The following NKAIN3 variants were observed in gnomAD, a reference collection of about 807,000 sequenced individuals.
The protein encoded by NKAIN3 is sodium/potassium-transporting ATPase subunit beta-1-interacting protein 3.
Under a neutral mutation model 30.2 loss-of-function variants are expected in NKAIN3, and 25 were observed. That is an observed-to-expected ratio of 0.83 (90% CI 0.60 to 1.16). NKAIN3 has a LOEUF of 1.16. NKAIN3 is among the 50% of genes most tolerant of loss of function. NKAIN3 has a pLI of 0.00. For missense variants in NKAIN3, 225 were observed against 254.1 expected, an observed-to-expected ratio of 0.89 and a Z score of 0.78; for synonymous variants, 91 against 89.6, an observed-to-expected ratio of 1.02 and a Z score of -0.09.
chr8:62,637,524 C>T (rs1812171463), intron 3 of NKAIN3, among the ~76,000 whole-genome samples: 2 of 152,274 alleles, frequency 1.3e-5, no homozygotes, highest in East Asian at 1.9e-4. Context: ...GGAATGTTCT[C>T]TTTATCTGTA....
At chr8:62,449,568 T>G (rs1805580888) in intron 1 of NKAIN3, among the ~76,000 whole-genome samples, 1 of 152,116 alleles carries the variant, frequency 6.6e-6, no homozygotes, top group Non-Finnish European at 1.5e-5. Context: ...AACTTTGAAA[T>G]GTACTTAAAG....
intron 4 of NKAIN3, among the ~76,000 whole-genome samples, chr8:62,898,360 G>T (rs1947484): frequency 6.6e-6 from 1 of 151,868 alleles, no homozygotes; most frequent in African/African-American, 2.4e-5. Context: ...AGGTATATTC[G>T]CACCAGGGAA....
intron 4 of NKAIN3, among the ~76,000 whole-genome samples, chr8:62,801,831 A>G (rs547143076): frequency 6.6e-6 from 1 of 152,252 alleles, no homozygotes; most frequent in Non-Finnish European, 1.5e-5. Flanking sequence ...GAGTTACAGG[A>G]GGAAATTCAA....
chr8:62,500,303 GT>G (rs1184598213), intron 1 of NKAIN3, among the ~76,000 whole-genome samples: 7 of 152,004 alleles, frequency 4.6e-5, no homozygotes, highest in African/African-American at 1.7e-4. Context: ...TCTTTTGGCA[GT>G]TGGAAGTTTT....
At chr8:62,726,764 A>G (rs538226594) in intron 3 of NKAIN3, among the ~76,000 whole-genome samples, 1 of 152,184 alleles carries the variant, frequency 6.6e-6, no homozygotes, top group African/African-American at 2.4e-5. Flanking sequence ...GGTGAATTCT[A>G]CTAGACATTT....
At chr8:62,942,663 G>A (rs1011139993) in intron 5 of NKAIN3, among the ~76,000 whole-genome samples, 3 of 152,062 alleles carry the variant, frequency 2.0e-5, no homozygotes, top group African/African-American at 4.8e-5. Context: ...AAGCAGCATG[G>A]TACTGATATA....
intron 3 of NKAIN3, among the ~76,000 whole-genome samples, chr8:62,634,889 G>A (rs73683349): frequency 0.043 from 6,514 of 152,176 alleles, 228 homozygotes; most frequent in African/African-American, 0.097. Context: ...GAGAAGCAGG[G>A]AAAGTAGAAA....
intron 1 of NKAIN3, among the ~76,000 whole-genome samples, chr8:62,530,427 C>G (rs934304452): frequency 2.6e-5 from 4 of 152,074 alleles, no homozygotes; most frequent in African/African-American, 9.7e-5. Context: ...TGAAATCACA[C>G]CCAGACACAG....
At chr8:62,420,379 T>A (rs1023751835) in intron 1 of NKAIN3, among the ~76,000 whole-genome samples, 13 of 152,154 alleles carry the variant, frequency 8.5e-5, no homozygotes, top group Non-Finnish European at 1.5e-4. Context: ...ACATAGTCAA[T>A]TAGTATTCCA....
intron 3 of NKAIN3, among the ~76,000 whole-genome samples, chr8:62,697,770 G>A (rs2130459871): frequency 6.6e-6 from 1 of 152,316 alleles, no homozygotes. Context: ...GATGAGCAAT[G>A]ATTACAAGTG....
chr8:62,411,080 CACAATAACA>C (rs1804222781), intron 1 of NKAIN3, among the ~76,000 whole-genome samples: 2 of 152,178 alleles, frequency 1.3e-5, no homozygotes, highest in Admixed American at 6.5e-5. Flanking sequence ...ATGTCAGAGA[CACAATAACA>C]ACAATAACAA....
chr8:62,692,793 C>G (rs1246964840), intron 3 of NKAIN3, among the ~76,000 whole-genome samples: 1 of 152,226 alleles, frequency 6.6e-6, no homozygotes, highest in Non-Finnish European at 1.5e-5. Flanking sequence ...ATTTCATCCA[C>G]TTCATTAATT....
intron 1 of NKAIN3, chr8:62,482,611 A>G (rs1027971329): frequency 1.3e-5 from 2 of 152,240 alleles, no homozygotes; most frequent in Admixed American, 1.3e-4. Context: ...GTCTTCCAAA[A>G]TGGATTCAGG....
intron 3 of NKAIN3, among the ~76,000 whole-genome samples, chr8:62,668,969 T>C (rs977241794): frequency 1.3e-5 from 2 of 152,208 alleles, no homozygotes; most frequent in Non-Finnish European, 2.9e-5. Context: ...TAATTCTGTA[T>C]CTAATCCTAG....
At chr8:62,601,568 A>G (rs887109620) in intron 3 of NKAIN3, among the ~76,000 whole-genome samples, 6 of 152,016 alleles carry the variant, frequency 3.9e-5, no homozygotes, top group Non-Finnish European at 8.8e-5. Flanking sequence ...CTAACATATT[A>G]GTAGGTATGT....
intron 1 of NKAIN3, among the ~76,000 whole-genome samples, chr8:62,346,765 T>C (rs1816019572): frequency 6.6e-6 from 1 of 152,128 alleles, no homozygotes; most frequent in East Asian, 1.9e-4. Flanking sequence ...TCAGGGTTAC[T>C]GCAAACTATA....
intron 5 of NKAIN3, among the ~76,000 whole-genome samples, chr8:62,950,102 G>T (rs1333952993): frequency 6.6e-6 from 1 of 152,084 alleles, no homozygotes; most frequent in East Asian, 1.9e-4. Flanking sequence ...TAATATGACT[G>T]CCTTTCCCCA....
At chr8:62,914,879 T>C (rs1822041177) in intron 4 of NKAIN3, among the ~76,000 whole-genome samples, 1 of 151,748 alleles carries the variant, frequency 6.6e-6, no homozygotes, top group African/African-American at 2.4e-5. Flanking sequence ...GGTGGCTTGC[T>C]GCACCCATCA....
At chr8:62,870,534 C>A (rs1380550629) in intron 4 of NKAIN3, among the ~76,000 whole-genome samples, 1 of 130,112 alleles carries the variant, frequency 7.7e-6, no homozygotes, top group Non-Finnish European at 1.6e-5. Flanking sequence ...TATATATGTA[C>A]AATATGTACA....
Sources: gnomAD v4.1 joint callset for allele counts (sites outside exome capture counted in the v4.1 genomes callset) on GRCh38, gnomAD v4.1.1 for gene constraint, MANE v1.5 for transcripts, NCBI Gene and HGNC (gene_info 2026-07-23, HGNC 2026-07-21) for gene names.